ATXN7: variants seen among roughly 807,000 people sequenced by gnomAD.
ATXN7 encodes ataxin-7.
Under a neutral mutation model 70.5 loss-of-function variants are expected in ATXN7, and 12 were observed. The observed-to-expected ratio is 0.17, with a 90% CI of 0.11 to 0.28. The LOEUF (loss-of-function observed/expected upper bound fraction) is 0.28. Ranked by LOEUF, ATXN7 falls within the 10% of genes least tolerant of loss-of-function variation. The probability of loss-of-function intolerance (pLI) is 1.00; values close to 1 mark genes in which losing one functional copy is unlikely to be tolerated. For synonymous variants in ATXN7, 498 were observed against 448.7 expected, an observed-to-expected ratio of 1.11 and a Z score of -1.39; for missense variants, 1,256 against 1,131.7, an observed-to-expected ratio of 1.11 and a Z score of -1.58.
intron 1 of ATXN7, among the ~76,000 whole-genome samples, chr3:63,876,311 T>C (rs1359044092): frequency 6.6e-6 from 1 of 152,168 alleles, no homozygotes. Flanking sequence ...TTAGCTGCTC[T>C]AAGAGGAGAT....
chr3:63,898,897 A>C (rs979570607), intron 2 of ATXN7, among the ~76,000 whole-genome samples: 7 of 152,074 alleles, frequency 4.6e-5, no homozygotes, highest in Admixed American at 3.3e-4. Flanking sequence ...ATGTAGACCC[A>C]GCTGCTTAGG....
At chr3:63,998,119 C>G (rs2075789265) in intron 12 of ATXN7, 1 of 983,612 alleles carries the variant, frequency 1.0e-6, no homozygotes, top group Non-Finnish European at 1.2e-6. Context: ...ATGTCCATCT[C>G]ACATCTGTAT....
intron 1 of ATXN7, among the ~76,000 whole-genome samples, chr3:63,884,215 A>G (rs968024970): frequency 1.6e-4 from 23 of 143,696 alleles, no homozygotes; most frequent in South Asian, 8.8e-4. Flanking sequence ...ACACACACAC[A>G]CACACACACA....
chr3:63,946,342 A>C (rs1575933924), intron 4 of ATXN7, among the ~76,000 whole-genome samples: 1 of 152,128 alleles, frequency 6.6e-6, no homozygotes, highest in East Asian at 1.9e-4. Flanking sequence ...TGTTCTGTCC[A>C]AAAGAAGGAA....
chr3:63,963,043 G>A (rs1443022291), intron 5 of ATXN7, among the ~76,000 whole-genome samples: 1 of 150,830 alleles, frequency 6.6e-6, no homozygotes, highest in East Asian at 2.0e-4. Context: ...AGCCCTTCCA[G>A]TACCTGGGAC....
At chr3:63,993,275 A>ATTTT (rs556994956) in intron 11 of ATXN7, among the ~76,000 whole-genome samples, 6 of 115,994 alleles carry the variant, frequency 5.2e-5, no homozygotes, top group African/African-American at 1.6e-4. Context: ...TTGTTGGTGT[A>ATTTT]TTTTTTTTTT....
intron 1 of ATXN7, among the ~76,000 whole-genome samples, chr3:63,870,290 C>T (rs1234145635): frequency 6.6e-6 from 1 of 152,104 alleles, no homozygotes; most frequent in East Asian, 1.9e-4. Context: ...CTGTTATATA[C>T]AAATCTTAGC....
chr3:63,880,300 G>C (rs542899339), intron 1 of ATXN7, among the ~76,000 whole-genome samples: 42 of 152,250 alleles, frequency 2.8e-4, no homozygotes, highest in African/African-American at 9.6e-4. Context: ...GATGTAGTCT[G>C]TCTTTATCAG....
chr3:63,999,545 C>G lies in ATXN7; in HGVS notation c.*78C>G. On this transcript the variant is annotated 3_prime_UTR_variant, in exon 13 of 13. Coordinates refer to ENST00000674280, the MANE Select transcript of ATXN7 (RefSeq NM_001377405.1). Reference sequence around the variant, plus strand: ...ACACCTCCACTCAGCACTCTGGACTCCACGATGCCTTTGAGTCTGTTTTCC... The same window carrying G: ...ACACCTCCACTCAGCACTCTGGACTGCACGATGCCTTTGAGTCTGTTTTCC... 1.3e-6 allele frequency: 2 copies of G among 1,596,462 alleles called. No individual in the cohort carries two copies. Among genetic ancestry groups the G allele is most frequent in the Non-Finnish European group, 1.7e-6 (2 of 1,170,080 alleles).
At chr3:63,939,446 A>AC (rs1219188815) in intron 4 of ATXN7, among the ~76,000 whole-genome samples, 1 of 152,158 alleles carries the variant, frequency 6.6e-6, no homozygotes, top group African/African-American at 2.4e-5. Context: ...ACTATAGTCG[A>AC]AGCAATGTTG....
chr3:63,919,984 C>G (rs1272499397), intron 4 of ATXN7, among the ~76,000 whole-genome samples: 1 of 151,806 alleles, frequency 6.6e-6, no homozygotes, highest in Non-Finnish European at 1.5e-5. Context: ...AATCGCTGCC[C>G]CTGAGCTGGT....
chr3:63,870,314 T>C (rs1282281172), intron 1 of ATXN7, among the ~76,000 whole-genome samples: 1 of 152,230 alleles, frequency 6.6e-6, no homozygotes, highest in Non-Finnish European at 1.5e-5. Flanking sequence ...ATTTGGTCCA[T>C]GGGCCATAAT....
chr3:63,997,714 T>A, intron 12 of ATXN7: 1 of 1,551,158 alleles, frequency 6.4e-7, no homozygotes, highest in Non-Finnish European at 8.7e-7. Flanking sequence ...TGATTTTTTT[T>A]CCCCTTCCTC....
chr3:63,966,942 C>G (rs977020054), intron 5 of ATXN7, among the ~76,000 whole-genome samples: 1 of 152,102 alleles, frequency 6.6e-6, no homozygotes. Flanking sequence ...TTCCATGTCA[C>G]TTGTGGGGAT....
rs760810024 is a variant in ATXN7, at chr3:63,990,166, A to G, written c.1362-10A>G. ...TGATCTGATCCGTGCTGCACTTTCT[A>G]CTCACCAAGGCCTCCAGGCTGCCCT... On this transcript the variant is annotated splice_polypyrimidine_tract_variant and intron_variant, in intron 9 of 12. Coordinates refer to ENST00000674280, the MANE Select transcript of ATXN7 (RefSeq NM_001377405.1). 1.5e-5 allele frequency: 24 copies of G among 1,611,890 alleles called. No individual in the cohort carries two copies. The highest frequency in any genetic ancestry group is 2.2e-5 in the East Asian group (1 of 44,848).
chr3:63,980,268 C>A, intron 6 of ATXN7, 101 bp downstream of exon 6: 1 of 1,444,252 alleles, frequency 6.9e-7, no homozygotes, highest in African/African-American at 1.4e-5. Context: ...AAAAGAGAGT[C>A]TACTTGGGGA....
intron 1 of ATXN7, among the ~76,000 whole-genome samples, chr3:63,874,673 A>G (rs770906900): frequency 3.3e-5 from 5 of 152,208 alleles, no homozygotes; most frequent in Non-Finnish European, 7.3e-5. Flanking sequence ...GGGTGGTTCT[A>G]GAACAGTGGT....
In ATXN7 at chr3:63,880,043, G is replaced by T. The variant is rs922672072; in HGVS notation, c.-111+15885G>T. ...AAAGGTTGCGGTGAGCTGAGATCGC[G>T]CCACTGCACTCTATCCTGGGCAACA... On this transcript the variant is annotated intron_variant, in intron 1 of 12. Transcript: ENST00000674280. 5.9e-5 allele frequency among the ~76,000 whole-genome samples: 9 copies of T among 152,032 alleles called. No homozygotes were observed. The South Asian group carries it at 6.2e-4, about 11-fold the overall frequency.
intron 4 of ATXN7, among the ~76,000 whole-genome samples, chr3:63,913,452 A>G (rs529151316): frequency 2.0e-5 from 3 of 152,270 alleles, no homozygotes; most frequent in East Asian, 3.9e-4. Context: ...CAGGAGCAGC[A>G]TTATTGGTGA....
Sources: allele counts gnomAD v4.1 joint callset (sites outside exome capture counted in the v4.1 genomes callset), GRCh38; gene constraint gnomAD v4.1.1; transcripts MANE v1.5; gene names NCBI Gene and HGNC (gene_info 2026-07-23, HGNC 2026-07-21).